Variants in RNF144A observed in about 807,000 individuals in gnomAD.
RNF144A encodes ring finger protein 144A.
In RNF144A, 11 loss-of-function variants were observed where a neutral mutation model predicts 38.7. The observed-to-expected ratio is 0.28, with a 90% CI of 0.18 to 0.47. RNF144A has a LOEUF of 0.47. Ranked by LOEUF, RNF144A falls within the 20% of genes least tolerant of loss-of-function variation. The pLI is 0.99. For missense variants in RNF144A, 316 were observed against 377.2 expected (o/e 0.84, Z 1.34); for synonymous variants, 149 against 143.9 (o/e 1.04, Z -0.25).
At chr2:7,003,622 T>G (rs1432369577) in intron 3 of RNF144A, among the ~76,000 whole-genome samples, 1 of 152,228 alleles carries the variant, frequency 6.6e-6, no homozygotes, top group South Asian at 2.1e-4. Context: ...TGTTACTACA[T>G]TCTATAATGT....
At chr2:7,000,409 C>T (rs1232311863) in intron 3 of RNF144A, among the ~76,000 whole-genome samples, 4 of 152,170 alleles carry the variant, frequency 2.6e-5, no homozygotes, top group South Asian at 4.1e-4. Flanking sequence ...GGGCCAATCC[C>T]GTGTTCGTTT....
At chr2:6,918,478 T>A (rs897705193) in intron 1 of RNF144A, 5 of 152,230 alleles carry the variant, frequency 3.3e-5, no homozygotes, top group African/African-American at 1.2e-4. Context: ...ATAATAATTT[T>A]TAAAATCCAT....
chr2:6,952,600 A>G (rs1252581312), intron 2 of RNF144A, among the ~76,000 whole-genome samples: 1 of 150,046 alleles, frequency 6.7e-6, no homozygotes, highest in Non-Finnish European at 1.5e-5. Context: ...TTATGTATAT[A>G]TATATGTTAT....
At chr2:6,959,269 G>A (rs1322055800) in intron 2 of RNF144A, among the ~76,000 whole-genome samples, 1 of 152,148 alleles carries the variant, frequency 6.6e-6, no homozygotes, top group East Asian at 1.9e-4. Flanking sequence ...GGACATTGGG[G>A]TATGGCCAGG....
intron 2 of RNF144A, among the ~76,000 whole-genome samples, chr2:6,965,474 C>G (rs1418064867): frequency 6.6e-6 from 1 of 152,144 alleles, no homozygotes; most frequent in Non-Finnish European, 1.5e-5. Context: ...TATTCAGGGC[C>G]TTTATGGAGT....
intron 5 of RNF144A, among the ~76,000 whole-genome samples, chr2:7,017,863 G>C (rs1671242212): frequency 6.6e-6 from 1 of 152,228 alleles, no homozygotes; most frequent in Non-Finnish European, 1.5e-5. Context: ...TGCAGTCAGA[G>C]CGGCCGTTTG....
At chr2:7,054,574 T>C (rs1266864221) in intron 6 of RNF144A, among the ~76,000 whole-genome samples, 3 of 152,158 alleles carry the variant, frequency 2.0e-5, no homozygotes, top group African/African-American at 7.2e-5. Flanking sequence ...TGTGCCACGG[T>C]CTGAATGTAT....
At chr2:7,057,267 A>G (rs1000429672) in intron 6 of RNF144A, among the ~76,000 whole-genome samples, 1 of 152,194 alleles carries the variant, frequency 6.6e-6, no homozygotes, top group African/African-American at 2.4e-5. Context: ...TTTTCTAAGT[A>G]AAGTCTAGCC....
intron 1 of RNF144A, among the ~76,000 whole-genome samples, chr2:6,932,337 T>C (rs1248119133): frequency 1.3e-5 from 2 of 152,206 alleles, no homozygotes; most frequent in Non-Finnish European, 2.9e-5. Context: ...CAATGCAACA[T>C]GTAGTTGACA....
intron 1 of RNF144A, among the ~76,000 whole-genome samples, chr2:6,919,739 G>T (rs939090518): frequency 1.3e-5 from 2 of 152,156 alleles, no homozygotes; most frequent in African/African-American, 4.8e-5. Context: ...ATTTTAATGG[G>T]ATGGAAATTT....
chr2:6,997,849 A>G (rs1572367577), intron 3 of RNF144A, among the ~76,000 whole-genome samples: 1 of 152,336 alleles, frequency 6.6e-6, no homozygotes, highest in Admixed American at 6.5e-5. Context: ...AGGTTGAATA[A>G]GTTCTAGAGA....
intron 6 of RNF144A, among the ~76,000 whole-genome samples, chr2:7,049,440 A>G (rs1338072260): frequency 6.6e-6 from 1 of 152,208 alleles, no homozygotes; most frequent in Non-Finnish European, 1.5e-5. Flanking sequence ...CACTCAGGAG[A>G]GAAAACCTCT....
the RNF144A span, among the ~76,000 whole-genome samples, chr2:7,074,197 C>A: frequency 2.6e-5 from 4 of 152,134 alleles, no homozygotes; most frequent in Non-Finnish European, 4.4e-5. Context: ...GTCACATAAA[C>A]AAAAGTCAGT....
intron 3 of RNF144A, among the ~76,000 whole-genome samples, chr2:7,010,866 T>C (rs1032097319): frequency 2.6e-5 from 4 of 152,088 alleles, no homozygotes; most frequent in African/African-American, 4.8e-5. Context: ...AGTGGCCCCA[T>C]GAGAGCACGG....
intron 2 of RNF144A, chr2:6,978,643 T>C (rs1181314324): frequency 1.3e-5 from 2 of 152,658 alleles, no homozygotes; most frequent in Non-Finnish European, 2.9e-5. Flanking sequence ...TGCATCAGTT[T>C]ATGTGATCAT....
At chr2:6,991,605 C>T (rs1317896737) in intron 2 of RNF144A, among the ~76,000 whole-genome samples, 1 of 152,142 alleles carries the variant, frequency 6.6e-6, no homozygotes, top group African/African-American at 2.4e-5. Context: ...TATGTTTGTG[C>T]AGGTTACCCT....
In RNF144A at chr2:6,999,057, T is replaced by C. The variant is rs549325222; in HGVS notation, c.135+1996T>C. Among the ~76,000 whole-genome samples, 25 of 152,332 alleles carry C rather than the reference T, an allele frequency of 1.6e-4. No homozygotes were observed. The South Asian group carries it at 5.0e-3, about 30-fold the overall frequency. On this transcript the variant is annotated intron_variant, in intron 3 of 8. Transcript: ENST00000320892. ...TTAGTTTTCTATTTCTAGAGAATTG[T>C]AGTAAAAACAAATAAGCCACTCAAA...
intron 2 of RNF144A, among the ~76,000 whole-genome samples, chr2:6,988,609 C>T (rs566785512): frequency 6.6e-6 from 1 of 152,220 alleles, no homozygotes; most frequent in South Asian, 2.1e-4. Context: ...GTGTGGTCAC[C>T]GTCAACACCA....
At chr2:7,045,530 C>T (rs376486946), downstream of RNF144A, among the ~76,000 whole-genome samples, 2 of 152,254 alleles carry the variant, frequency 1.3e-5, no homozygotes, top group South Asian at 4.1e-4. Flanking sequence ...CGGCGTTCTC[C>T]CTGTGTGCAC....
Sources: allele counts gnomAD v4.1 joint callset (sites outside exome capture counted in the v4.1 genomes callset), GRCh38; gene constraint gnomAD v4.1.1; transcripts MANE v1.5; gene names NCBI Gene and HGNC (gene_info 2026-07-23, HGNC 2026-07-21).